The following TSHZ3 variants were observed in gnomAD, a reference collection of about 807,000 sequenced individuals.
TSHZ3 encodes teashirt homolog 3.
Under a neutral mutation model 64.5 loss-of-function variants are expected in TSHZ3, and 10 were observed. The observed-to-expected ratio is 0.16, with a 90% CI of 0.10 to 0.26. TSHZ3 has a LOEUF of 0.26. TSHZ3 is among the 10% of genes least tolerant of loss of function. The pLI is 1.00. For missense variants in TSHZ3, 1,242 were observed against 1,421.7 expected, an observed-to-expected ratio of 0.87 and a Z score of 2.03; for synonymous variants, 608 against 593.1, an observed-to-expected ratio of 1.03 and a Z score of -0.36.
chr19:31,349,833 G>A (rs1273406063), upstream of TSHZ3, among the ~76,000 whole-genome samples: 3 of 148,800 alleles, frequency 2.0e-5, no homozygotes, highest in African/African-American at 7.4e-5. Flanking sequence ...TGGAGCGGCG[G>A]CGTCGGCAAC....
At chr19:31,348,468 G>GAA (rs769813617) in intron 1 of TSHZ3, among the ~76,000 whole-genome samples, 1,430 of 82,404 alleles carry the variant, frequency 0.017, 28 homozygotes, top group African/African-American at 0.06. Context: ...TAAAGAAGAA[G>GAA]AAAAAAAAAA....
intron 3 of TSHZ3, among the ~76,000 whole-genome samples, chr19:31,237,116 CCA>C (rs1412418911): frequency 1.3e-5 from 2 of 152,154 alleles, no homozygotes; most frequent in African/African-American, 2.4e-5. Context: ...CCACTGCACT[CCA>C]GACTGGGAGA....
rs1385057539 is a variant in TSHZ3, at chr19:31,276,436, T to A, written c.*111A>T. On this transcript the variant is annotated 3_prime_UTR_variant, in exon 2 of 2. Coordinates refer to ENST00000240587, the MANE Select transcript of TSHZ3 (RefSeq NM_020856.4). The stretch of plus-strand genomic sequence containing the variant: ...AACAGTCCAGCCCAGAGTGATTCTC[T>A]GCAGTTAAAATAAGAACATGTGCCA... The A allele has an allele frequency of 9.8e-7, 1 of 1,025,376 alleles. No individual in the cohort carries two copies. Among genetic ancestry groups the A allele is most frequent in the Admixed American group, 2.4e-5 (1 of 41,866 alleles). 63.5% of individuals were successfully genotyped at this position (1,025,376 alleles called of 1,614,324 possible).
intron 1 of TSHZ3, among the ~76,000 whole-genome samples, chr19:31,256,910 G>A (rs774544054): frequency 7.2e-5 from 11 of 152,282 alleles, no homozygotes; most frequent in Admixed American, 2.0e-4. Flanking sequence ...GACTGGACAC[G>A]CTACAGGTGA....
rs1292029487 is a variant in TSHZ3, at chr19:31,276,096, T to C, written c.*451A>G. On this transcript the variant is annotated 3_prime_UTR_variant, in exon 2 of 2. Coordinates refer to ENST00000240587, the MANE Select transcript of TSHZ3 (RefSeq NM_020856.4). ...AAGGAGTTTAAAAAACAGAGCTTCA[T>C]ACATTATTATTATTTTATTTTATTT... is the stretch of plus-strand genomic sequence containing the variant. 1.3e-5 allele frequency: 2 copies of C among 153,312 alleles called. No homozygotes were observed. The highest frequency in any genetic ancestry group is 2.9e-5 in the Non-Finnish European group (2 of 68,530). The allele number at this position is 153,312 out of a possible 1,614,324, so 9.5% of individuals were successfully genotyped here. A position where few individuals can be genotyped will look rare whatever the true frequency, so the allele number is the denominator to read the frequency against.
exon 7 of TSHZ3, among the ~76,000 whole-genome samples, chr19:31,150,949 C>T (rs1169908139): frequency 6.6e-6 from 1 of 152,094 alleles, no homozygotes; most frequent in East Asian, 1.9e-4. Flanking sequence ...GAAGACCTTC[C>T]ATATCTCTGC....
At chr19:31,320,285 C>T (rs186968948) in intron 1 of TSHZ3, among the ~76,000 whole-genome samples, 1 of 152,280 alleles carries the variant, frequency 6.6e-6, no homozygotes, top group Non-Finnish European at 1.5e-5. Context: ...GTGTTTGCTT[C>T]TGTGCTTTGT....
At chr19:31,292,544 G>A (rs10426175) in intron 1 of TSHZ3, among the ~76,000 whole-genome samples, 2,569 of 152,248 alleles carry the variant, frequency 0.017, 84 homozygotes, top group African/African-American at 0.058. Flanking sequence ...CCAAGGGGAA[G>A]GTAAATGGAT....
intron 3 of TSHZ3, among the ~76,000 whole-genome samples, chr19:31,235,678 T>TTTC (rs200542536): frequency 0.01 from 1,512 of 149,042 alleles, 42 homozygotes; most frequent in African/African-American, 0.034. Context: ...TTCTTCTTTC[T>TTTC]TTCTTTCTTC....
intron 4 of TSHZ3, among the ~76,000 whole-genome samples, chr19:31,217,677 G>A (rs962185666): frequency 2.0e-5 from 3 of 152,074 alleles, no homozygotes; most frequent in Admixed American, 6.5e-5. Context: ...CATAGTTTAC[G>A]TAAGGGTTCG....
chr19:31,172,905 G>A (rs946772906), intron 5 of TSHZ3, among the ~76,000 whole-genome samples: 1 of 152,166 alleles, frequency 6.6e-6, no homozygotes, highest in African/African-American at 2.4e-5. Flanking sequence ...CACAGCAGTA[G>A]GTCAGTGGGA....
At chr19:31,162,029 C>A (rs1052051590) in intron 5 of TSHZ3, among the ~76,000 whole-genome samples, 18 of 152,180 alleles carry the variant, frequency 1.2e-4, no homozygotes, top group African/African-American at 4.3e-4. Flanking sequence ...AGCTGAGGTA[C>A]CCGGTGAGTA....
chr19:31,278,664 G>T lies in TSHZ3; in HGVS notation c.1129C>A (p.His377Asn). 6.2e-7 allele frequency: 1 copy of T among 1,614,174 alleles called. No individual in the cohort carries two copies. The highest frequency in any genetic ancestry group is 8.5e-7 in the Non-Finnish European group (1 of 1,180,030). ...GHQNGASYAW[H>N]FEARKSQILK... The stretch of plus-strand genomic sequence containing the variant: ...ATCTGCGACTTCCGGGCCTCAAAGT[G>T]CCATGCATAGCTGGCCCCATTCTGG... Residue 377 changes from histidine to asparagine, a missense_variant, in exon 2 of 2, where the codon CAC becomes AAC. This residue lies in a region of TSHZ3 where 555 missense variants were observed against 704.0 expected (regional missense o/e 0.79). Coordinates refer to ENST00000240587, the MANE Select transcript of TSHZ3 (RefSeq NM_020856.4). This position sits in a 1 kb window ranked among gnomAD's most constrained non-coding sequence, Gnocchi z 4.7.
At chr19:31,200,411 T>C (rs1975064108) in intron 5 of TSHZ3, among the ~76,000 whole-genome samples, 1 of 152,212 alleles carries the variant, frequency 6.6e-6, no homozygotes, top group African/African-American at 2.4e-5. Flanking sequence ...AGAAATGAGC[T>C]ACTAAGCCAT....
intron 1 of TSHZ3, among the ~76,000 whole-genome samples, chr19:31,345,831 C>T (rs1309420767): frequency 5.3e-5 from 8 of 152,112 alleles, no homozygotes. Flanking sequence ...TTAAAAACCA[C>T]TCTGAACAGG....
At chr19:31,264,710 CT>C (rs34853915) in intron 1 of TSHZ3, among the ~76,000 whole-genome samples, 3,495 of 143,216 alleles carry the variant, frequency 0.024, 60 homozygotes, top group South Asian at 0.084. Flanking sequence ...GTGGGTTTTT[CT>C]TTTTTTTTTT....
intron 6 of TSHZ3, among the ~76,000 whole-genome samples, chr19:31,156,151 T>C (rs1599551028): frequency 6.6e-6 from 1 of 152,334 alleles, no homozygotes; most frequent in Non-Finnish European, 1.5e-5. Flanking sequence ...ATTCTGCTTA[T>C]TGTTTATTGT....
chr19:31,154,770 A>C (rs1482537378), intron 6 of TSHZ3, among the ~76,000 whole-genome samples: 1 of 152,174 alleles, frequency 6.6e-6, no homozygotes, highest in African/African-American at 2.4e-5. Flanking sequence ...GAGAATCAGG[A>C]AAGTGTGGGC....
At chr19:31,191,727 C>T (rs754276987) in intron 5 of TSHZ3, among the ~76,000 whole-genome samples, 16 of 151,958 alleles carry the variant, frequency 1.1e-4, no homozygotes, top group Middle Eastern at 3.4e-3. Flanking sequence ...GGCATGGTGG[C>T]ACGTGGCTGT....
Sources: gnomAD v4.1 joint callset for allele counts (sites outside exome capture counted in the v4.1 genomes callset) on GRCh38, gnomAD v4.1.1 for gene constraint, gnomAD v4.1.1 regional missense constraint, Gnocchi (gnomAD v3.1) non-coding constraint, MANE v1.5 for transcripts, NCBI Gene and HGNC (gene_info 2026-07-23, HGNC 2026-07-21) for gene names.